The following SPON2 variants were observed in gnomAD, a reference collection of about 807,000 sequenced individuals.
SPON2 encodes the protein spondin-2.
A neutral mutation model predicts 29.9 loss-of-function variants in SPON2; 32 were observed. The ratio of observed to expected loss-of-function variants is 1.07; its 90% CI spans 0.81 to 1.44. SPON2 has a LOEUF of 1.44. Among genes scored for constraint, SPON2 ranks in the 40% most tolerant of loss-of-function variants. The pLI, the probability that SPON2 is intolerant of heterozygous loss-of-function variation, is 0.00. For synonymous variants in SPON2, 248 were observed against 209.1 expected, an observed-to-expected ratio of 1.19 and a Z score of -1.61; for missense variants, 541 against 455.5, an observed-to-expected ratio of 1.19 and a Z score of -1.71.
chr4:1,173,468 A>AG (rs1461577508), upstream of SPON2, among the ~76,000 whole-genome samples: 7 of 152,180 alleles, frequency 4.6e-5, no homozygotes, highest in South Asian at 1.0e-3. Flanking sequence ...GAGCCCTCCC[A>AG]GGGGCTCTAG....
At chr4:1,205,650 G>A (rs1051765470) in intron 1 of SPON2, among the ~76,000 whole-genome samples, 2 of 152,212 alleles carry the variant, frequency 1.3e-5, no homozygotes, top group Non-Finnish European at 2.9e-5. Context: ...CTTGGGAAGG[G>A]TGGGGGCCCA....
chr4:1,176,531 A>G (rs563705851), upstream of SPON2, among the ~76,000 whole-genome samples: 4 of 152,008 alleles, frequency 2.6e-5, no homozygotes, highest in East Asian at 1.9e-4. Flanking sequence ...TTCACACAGT[A>G]CATTCATTCA....
intron 1 of SPON2, among the ~76,000 whole-genome samples, chr4:1,192,940 T>C (rs1431887964): frequency 6.6e-6 from 1 of 152,190 alleles, no homozygotes; most frequent in Admixed American, 6.5e-5. Context: ...CTGCAGCAGC[T>C]GCTGGGGTCC....
intron 1 of SPON2, among the ~76,000 whole-genome samples, chr4:1,186,113 G>GCA (rs1553830984): frequency 1.3e-5 from 2 of 150,280 alleles, no homozygotes; most frequent in Non-Finnish European, 3.0e-5. Context: ...GCGTGGTGGT[G>GCA]GGCGCCTGTA....
rs571997113 is a variant in SPON2, at chr4:1,189,630, C to T, written c.-239+5360G>A. On this transcript the variant is annotated intron_variant, in intron 1 of 3. Coordinates refer to the SPON2 transcript ENST00000502483. ...CTCCAGCCTGGGCAACAGAGTGAGA[C>T]CCTGTCTCAAAAAAAAAAAAAAAAA... Among the ~76,000 whole-genome samples, 53 of 118,198 alleles carry T rather than the reference C, an allele frequency of 4.5e-4. 1 individual carries two copies. The South Asian group carries it at 5.0e-3, about 11-fold the overall frequency. The allele number at this position is 118,198 out of a possible 152,430, so 77.5% of individuals were successfully genotyped here. A position where few individuals can be genotyped will look rare whatever the true frequency, so the allele number is the denominator to read the frequency against.
At chr4:1,193,108 A>G (rs1224260751) in intron 1 of SPON2, among the ~76,000 whole-genome samples, 1 of 152,216 alleles carries the variant, frequency 6.6e-6, no homozygotes, top group Non-Finnish European at 1.5e-5. Flanking sequence ...GCACCATGCC[A>G]GATACACGCC....
intron 1 of SPON2, among the ~76,000 whole-genome samples, chr4:1,192,143 C>A (rs1727926499): frequency 6.6e-6 from 1 of 152,258 alleles, no homozygotes; most frequent in South Asian, 2.1e-4. Flanking sequence ...GGGTTAAGCT[C>A]TCTCAAGGCC....
At chr4:1,194,535 T>C (rs1275454549) in intron 1 of SPON2, among the ~76,000 whole-genome samples, 1 of 152,142 alleles carries the variant, frequency 6.6e-6, no homozygotes, top group African/African-American at 2.4e-5. Flanking sequence ...CAGGGCGGCT[T>C]GCACAGCTTA....
chr4:1,175,554 G>C (rs529426354), upstream of SPON2, among the ~76,000 whole-genome samples: 1 of 151,890 alleles, frequency 6.6e-6, no homozygotes, highest in South Asian at 2.1e-4. Context: ...GGTGGTGGTG[G>C]GCCCAGGCTG....
At chr4:1,170,323 C>T in intron 5 of SPON2, 79 bp downstream of exon 5, 1 of 1,417,542 alleles carries the variant, frequency 7.1e-7, no homozygotes, top group Non-Finnish European at 9.7e-7. Context: ...TTCTCAGAGC[C>T]TTAGGTTCGG....
At chr4:1,170,285 G>T (rs1000549096) in intron 5 of SPON2, 117 bp downstream of exon 5, 2 of 928,382 alleles carry the variant, frequency 2.2e-6, no homozygotes, top group Admixed American at 4.6e-5. Context: ...CCATCTTGCA[G>T]TACGCACTAC....
At chr4:1,170,869 G>A in intron 4 of SPON2, 130 bp downstream of exon 4, 1 of 1,300,264 alleles carries the variant, frequency 7.7e-7, no homozygotes, top group East Asian at 2.5e-5. Context: ...GGCGCTAGAA[G>A]CAGAGCCTCT....
intron 1 of SPON2, among the ~76,000 whole-genome samples, chr4:1,180,571 C>A (rs1384156871): frequency 6.6e-6 from 1 of 152,094 alleles, no homozygotes; most frequent in Non-Finnish European, 1.5e-5. Flanking sequence ...ATGTACCAGA[C>A]AAATACTTTA....
At position 1,171,926 on chromosome 4, in the gene SPON2, C is replaced by T; in HGVS notation, c.146G>A (p.Gly49Asp). 1 of 1,612,878 alleles carries T rather than the reference C, an allele frequency of 6.2e-7. No individual in the cohort carries two copies. Among genetic ancestry groups the T allele is most frequent in the Non-Finnish European group, 8.5e-7 (1 of 1,179,826 alleles). Residue 49 changes from glycine to aspartate, a missense_variant, in exon 2 of 6, where the codon GGC (glycine) becomes GAC (aspartate). Coordinates refer to ENST00000290902, the MANE Select transcript of SPON2 (RefSeq NM_012445.4). ...GGGGAAGGCCGTCTGGCTCCACTTG[C>T]CCGTGAAGGTGATGCTGTATTTGGC... Reference protein sequence around the residue: ...ALAKYSITFTGKWSQTAFPKQ... With the variant: ...ALAKYSITFTDKWSQTAFPKQ...
At chr4:1,205,559 C>A (rs1000580979) in intron 1 of SPON2, among the ~76,000 whole-genome samples, 1 of 147,042 alleles carries the variant, frequency 6.8e-6, no homozygotes, top group Non-Finnish European at 1.5e-5. Flanking sequence ...CAATCCTGTC[C>A]CCAGAGGCCC....
At chr4:1,195,803 A>AT (rs1207236099), upstream of SPON2, among the ~76,000 whole-genome samples, 15 of 149,548 alleles carry the variant, frequency 1.0e-4, no homozygotes, top group South Asian at 4.3e-4. Flanking sequence ...CACCCAGCTG[A>AT]TTTTTTTTTA....
rs544420651 is a variant in SPON2 at position 1,171,673 on chromosome 4, C to G, written c.220+179G>C. The G allele has an allele frequency of 6.3e-5, 48 of 761,346 alleles. No individual in the cohort carries two copies. In the African/African-American group the frequency reaches 7.8e-4, roughly 12 times the overall value. 47.2% of individuals were successfully genotyped at this position (761,346 alleles called of 1,614,324 possible). ...ACCTGCGCCCTCCCCGTGAGCGCCC[C>G]CTGCCCCCACCGCATCCCCGGAACC... On this transcript the variant is annotated intron_variant, in intron 2 of 5. Coordinates refer to ENST00000290902, the MANE Select transcript of SPON2 (RefSeq NM_012445.4).
chr4:1,206,213 C>T (rs1260155563), intron 1 of SPON2, among the ~76,000 whole-genome samples: 1 of 152,188 alleles, frequency 6.6e-6, no homozygotes, highest in Non-Finnish European at 1.5e-5. Context: ...CCCACGGGAG[C>T]CAGCGGGCAG....
Position 1,167,446 on chromosome 4 carries a change from G to C in SPON2, c.*26C>G, listed in dbSNP as rs910341014. 8 of 1,600,742 alleles carry C rather than the reference G, an allele frequency of 5.0e-6. No homozygotes were observed. The highest frequency in any genetic ancestry group is 1.7e-5 in the Admixed American group (1 of 59,220). On this transcript the variant is annotated 3_prime_UTR_variant, in exon 6 of 6. Transcript: ENST00000290902. ...CCCCGACACCCCATGGCTCCGGGGG[G>C]CCCCAGGGGCTGCGGGGCTCTGGTC...
Sources: allele counts gnomAD v4.1 joint callset (sites outside exome capture counted in the v4.1 genomes callset), GRCh38; gene constraint gnomAD v4.1.1; transcripts MANE v1.5; gene names NCBI Gene and HGNC (gene_info 2026-07-23, HGNC 2026-07-21).